Variants in HACD2 observed in about 807,000 individuals in gnomAD.
HACD2 encodes the protein very-long-chain (3R)-3-hydroxyacyl-CoA dehydratase 2.
Under a neutral mutation model 31.0 loss-of-function variants are expected in HACD2, and 15 were observed. The ratio of observed to expected loss-of-function variants is 0.48; its 90% CI spans 0.32 to 0.75. HACD2 has a LOEUF of 0.75. Among genes scored for constraint, HACD2 ranks in the 30% least tolerant of loss-of-function variants. HACD2 has a pLI of 0.03. For missense variants in HACD2, 283 were observed against 313.0 expected, an observed-to-expected ratio of 0.90 and a Z score of 0.72; for synonymous variants, 115 against 122.2, an observed-to-expected ratio of 0.94 and a Z score of 0.39.
chr3:123,563,684 T>C (rs934044490), intron 3 of HACD2, among the ~76,000 whole-genome samples: 3 of 145,060 alleles, frequency 2.1e-5, no homozygotes, highest in African/African-American at 4.9e-5. Flanking sequence ...CACACACTTA[T>C]GGTGTACAAC....
chr3:123,519,363 A>AT (rs1304981666), intron 4 of HACD2, among the ~76,000 whole-genome samples: 2 of 152,112 alleles, frequency 1.3e-5, no homozygotes, highest in Non-Finnish European at 2.9e-5. Context: ...CACATGCTTT[A>AT]TTTTTTCTGT....
chr3:123,528,385 C>T lies in HACD2; in HGVS notation c.381+1G>A. ...TTATTTTGGTCTATATAAACACTTA[C>T]CTCTTTGACGCTATGTGTTACTGCC... On this transcript the variant is annotated splice_donor_variant, in intron 4 of 6. Coordinates refer to ENST00000383657, the MANE Select transcript of HACD2 (RefSeq NM_198402.5). LOFTEE classifies it high-confidence loss of function. The T allele has an allele frequency of 6.3e-7, 1 of 1,584,040 alleles. No homozygotes were observed. The highest frequency in any genetic ancestry group is 8.7e-7 in the Non-Finnish European group (1 of 1,152,712).
At chr3:123,578,223 T>C (rs993160313) in intron 2 of HACD2, among the ~76,000 whole-genome samples, 2 of 152,246 alleles carry the variant, frequency 1.3e-5, no homozygotes, top group Admixed American at 6.5e-5. Context: ...ATTTTATGAA[T>C]GTTTATATCC....
intron 3 of HACD2, among the ~76,000 whole-genome samples, chr3:123,564,308 A>C (rs891648378): frequency 2.6e-5 from 4 of 152,200 alleles, no homozygotes; most frequent in African/African-American, 9.6e-5. Context: ...ATGAGAAGAG[A>C]TCACCCACAG....
At chr3:123,552,194 CT>C (rs1462101915) in intron 3 of HACD2, among the ~76,000 whole-genome samples, 1 of 152,088 alleles carries the variant, frequency 6.6e-6, no homozygotes, top group African/African-American at 2.4e-5. Context: ...ATTTGGAGCA[CT>C]AACCACAGGG....
chr3:123,533,076 C>T (rs1201432773), intron 3 of HACD2, among the ~76,000 whole-genome samples: 7 of 152,120 alleles, frequency 4.6e-5, no homozygotes, highest in Non-Finnish European at 8.8e-5. Flanking sequence ...CTGAAGCATA[C>T]TATAGTGTGA....
At chr3:123,497,504 T>A (rs1270331888) in intron 6 of HACD2, among the ~76,000 whole-genome samples, 2 of 152,202 alleles carry the variant, frequency 1.3e-5, no homozygotes, top group African/African-American at 2.4e-5. Flanking sequence ...CCAAGTCTCC[T>A]TGGTTTCTCT....
At chr3:123,575,069 T>C (rs1211526344) in intron 2 of HACD2, among the ~76,000 whole-genome samples, 1 of 152,042 alleles carries the variant, frequency 6.6e-6, no homozygotes, top group Non-Finnish European at 1.5e-5. Flanking sequence ...CCACTAGCCA[T>C]ATGTGCCTAT....
intron 2 of HACD2, among the ~76,000 whole-genome samples, chr3:123,577,685 T>G (rs2056922992): frequency 1.3e-5 from 2 of 152,120 alleles, no homozygotes; most frequent in South Asian, 2.1e-4. Context: ...CCAAAGATAT[T>G]TAGAAACCCA....
chr3:123,545,817 T>C (rs2056553661), intron 3 of HACD2, among the ~76,000 whole-genome samples: 1 of 151,746 alleles, frequency 6.6e-6, no homozygotes, highest in Admixed American at 6.6e-5. Context: ...GTTCAAGTGA[T>C]TCTCCTGCCT....
intron 3 of HACD2, among the ~76,000 whole-genome samples, chr3:123,552,559 A>ATG (rs1346295237): frequency 1.3e-5 from 2 of 152,210 alleles, no homozygotes; most frequent in Non-Finnish European, 2.9e-5. Flanking sequence ...ATACAAAACC[A>ATG]TTTTCAGGAG....
intron 4 of HACD2, among the ~76,000 whole-genome samples, chr3:123,507,027 G>A (rs1284229312): frequency 6.6e-6 from 1 of 152,196 alleles, no homozygotes; most frequent in Non-Finnish European, 1.5e-5. Context: ...GGAGGCTGAG[G>A]CAGGAGGATC....
intron 3 of HACD2, among the ~76,000 whole-genome samples, chr3:123,545,465 G>C (rs987899472): frequency 7.3e-6 from 1 of 137,144 alleles, no homozygotes; most frequent in Non-Finnish European, 1.5e-5. Context: ...CTGGGCAACA[G>C]AGCGAGACTT....
chr3:123,523,149 G>A (rs2056237996), intron 4 of HACD2, among the ~76,000 whole-genome samples: 1 of 152,202 alleles, frequency 6.6e-6, no homozygotes, highest in South Asian at 2.1e-4. Context: ...TGACCCAGCT[G>A]GAGGACCCAG....
At chr3:123,534,977 T>G (rs1056402018) in intron 3 of HACD2, among the ~76,000 whole-genome samples, 5 of 152,200 alleles carry the variant, frequency 3.3e-5, no homozygotes, top group Admixed American at 6.5e-5. Context: ...AAATTAAGCT[T>G]ATGAAGTAAG....
chr3:123,533,673 C>T (rs1197876340), intron 3 of HACD2, among the ~76,000 whole-genome samples: 1 of 152,216 alleles, frequency 6.6e-6, no homozygotes, highest in Non-Finnish European at 1.5e-5. Flanking sequence ...TACCAGACAT[C>T]TACTATTTGT....
At chr3:123,572,938 AC>A (rs1431728822) in intron 2 of HACD2, among the ~76,000 whole-genome samples, 2 of 152,134 alleles carry the variant, frequency 1.3e-5, no homozygotes, top group African/African-American at 4.8e-5. Flanking sequence ...TGGCTCAGTT[AC>A]GCACCCCTGG....
intron 4 of HACD2, among the ~76,000 whole-genome samples, chr3:123,516,265 G>A (rs1328975078): frequency 1.5e-4 from 21 of 137,394 alleles, no homozygotes; most frequent in Admixed American, 8.5e-4. Context: ...ATGGAGTCTC[G>A]CTCTGTCACC....
chr3:123,505,737 A>G (rs2107684562), intron 4 of HACD2, among the ~76,000 whole-genome samples: 1 of 152,378 alleles, frequency 6.6e-6, no homozygotes, highest in African/African-American at 2.4e-5. Context: ...CTCTTCAACT[A>G]GCAGAGCTGA....
Sources: gnomAD v4.1 joint callset for allele counts (sites outside exome capture counted in the v4.1 genomes callset) on GRCh38, gnomAD v4.1.1 for gene constraint, MANE v1.5 for transcripts, NCBI Gene and HGNC (gene_info 2026-07-23, HGNC 2026-07-21) for gene names.